Variants in DAB1 observed in about 807,000 individuals in gnomAD.
DAB1 encodes the protein disabled homolog 1.
In DAB1, 15 loss-of-function variants were observed where a neutral mutation model predicts 64.6. That is an observed-to-expected ratio of 0.23 (90% confidence interval 0.16 to 0.36). DAB1 has a LOEUF of 0.36. Ranked by LOEUF, DAB1 falls within the 10% of genes least tolerant of loss-of-function variation. The pLI, the probability that DAB1 is intolerant of heterozygous loss-of-function variation, is 1.00. For synonymous variants in DAB1, 235 were observed against 251.9 expected (o/e 0.93, Z 0.64); for missense variants, 596 against 706.7 (o/e 0.84, Z 1.78).
At chr1:57,976,231 G>A (rs755318019) in intron 5 of DAB1, among the ~76,000 whole-genome samples, 1 of 152,060 alleles carries the variant, frequency 6.6e-6, no homozygotes. Flanking sequence ...TCTCCCTTCC[G>A]GCTCTCAGGC....
intron 7 of DAB1, among the ~76,000 whole-genome samples, chr1:57,430,145 T>C (rs1685445161): frequency 6.6e-6 from 1 of 151,936 alleles, no homozygotes; most frequent in Admixed American, 6.6e-5. Flanking sequence ...TTCATTTGTA[T>C]CTTCTTTAAT....
chr1:58,208,023 G>C lies in DAB1; in HGVS notation n.310-57435C>G, dbSNP rs1177591287. ...TCCTCCTTCACATGGTGGCAGCAAG[G>C]AGGAGTGTAGAGTGAAAATGAGGGG... On this transcript the variant is annotated intron_variant and non_coding_transcript_variant, in intron 4 of 20. Transcript: ENST00000485760. Among the ~76,000 whole-genome samples the C allele has an allele frequency of 2.0e-5, 3 of 152,170 alleles. No individual in the cohort carries two copies. The East Asian group carries it at 5.8e-4, about 29-fold the overall frequency.
At chr1:57,232,491 T>C (rs1667758682) in intron 2 of DAB1, among the ~76,000 whole-genome samples, 1 of 152,138 alleles carries the variant, frequency 6.6e-6, no homozygotes, top group Non-Finnish European at 1.5e-5. Context: ...GCAAGAGAGA[T>C]GGTTCCTCCT....
intron 5 of DAB1, among the ~76,000 whole-genome samples, chr1:57,947,545 T>A (rs922215732): frequency 1.3e-5 from 2 of 152,072 alleles, no homozygotes; most frequent in African/African-American, 4.8e-5. Context: ...CCAAAAGTAT[T>A]CTAGACCTTG....
In DAB1 at chr1:57,450,507, G is replaced by A. The variant is rs186216990; in HGVS notation, n.626-159341C>T. 3.3e-4 allele frequency among the ~76,000 whole-genome samples: 51 copies of A among 152,272 alleles called. No homozygotes were observed. In the East Asian group the frequency reaches 7.9e-3, roughly 24 times the overall value. ...TCAACTAGCCTCTTAAAGAGAGATT[G>A]AAATTATGTGTTTATTAAAAGGAGG... On this transcript the variant is annotated intron_variant and non_coding_transcript_variant, in intron 7 of 20. Transcript: ENST00000485760.
intron 2 of DAB1, among the ~76,000 whole-genome samples, chr1:57,256,054 GTT>G (rs1669734777): frequency 6.6e-6 from 1 of 152,150 alleles, no homozygotes; most frequent in Non-Finnish European, 1.5e-5. Context: ...CCTGTGCGTT[GTT>G]ATCAGCACGT....
At chr1:58,000,641 G>A (rs1646493526) in intron 5 of DAB1, among the ~76,000 whole-genome samples, 1 of 144,842 alleles carries the variant, frequency 6.9e-6, no homozygotes, top group African/African-American at 2.6e-5. Flanking sequence ...GGCATTCTTG[G>A]CTCACTGCAA....
At position 57,129,414 on chromosome 1, in the gene DAB1, T is replaced by C. The variant is rs551529936; in HGVS notation, c.306+7129A>G. Among the ~76,000 whole-genome samples, 11 of 152,234 alleles carry C rather than the reference T, an allele frequency of 7.2e-5. No homozygotes were observed. In the South Asian group the frequency reaches 2.3e-3, roughly 32 times the overall value. ...CCAATTTTTCCCCTTAAAGGTTCTA[T>C]CTATTTGACATTAAAATAGATCTGG... On this transcript the variant is annotated intron_variant, in intron 4 of 14. Coordinates refer to ENST00000371236, the MANE Select transcript of DAB1 (RefSeq NM_001365792.1).
intron 5 of DAB1, among the ~76,000 whole-genome samples, chr1:58,132,199 C>T (rs1400405789): frequency 1.3e-5 from 2 of 152,090 alleles, no homozygotes; most frequent in Non-Finnish European, 1.5e-5. Flanking sequence ...GCGCAGTATT[C>T]GGGTGGGAGT....
chr1:58,373,516 G>A (rs1169053612), intron 3 of DAB1, among the ~76,000 whole-genome samples: 1 of 151,164 alleles, frequency 6.6e-6, no homozygotes, highest in African/African-American at 2.4e-5. Context: ...CATTTCTTAC[G>A]GCTGCATAGT....
intron 5 of DAB1, among the ~76,000 whole-genome samples, chr1:58,008,019 T>G (rs149907079): frequency 8.9e-4 from 136 of 152,278 alleles, no homozygotes; most frequent in African/African-American, 3.1e-3. Flanking sequence ...ATACAAATAT[T>G]CTACTCTTCA....
In DAB1 at chr1:57,176,971, A is replaced by AC. The variant is rs1342040668; in HGVS notation, c.68-31543_68-31542insG. The stretch of plus-strand genomic sequence containing the variant: ...ATAAAAAAAAGAAGCAGCAGCAGAT[A>AC]TAAAAAAAAAAAAAAAAAAAAGCCC... On this transcript the variant is annotated intron_variant, in intron 2 of 14. Transcript: ENST00000371236. Among the ~76,000 whole-genome samples, 702 of 85,752 alleles carry AC rather than the reference A, an allele frequency of 8.2e-3. 24 individuals are homozygous for AC. Among genetic ancestry groups the AC allele is most frequent in the African/African-American group, 0.032 (323 of 10,116 alleles). 56.3% of individuals were successfully genotyped at this position (85,752 alleles called of 152,430 possible). A position where few individuals can be genotyped will look rare whatever the true frequency, so the allele number is the denominator to read the frequency against.
chr1:57,562,984 C>A (rs1248777302), intron 7 of DAB1, among the ~76,000 whole-genome samples: 1 of 152,110 alleles, frequency 6.6e-6, no homozygotes. Context: ...GCCATTAGGG[C>A]GTCTCTTAGT....
chr1:57,413,481 C>T (rs1004012644), intron 1 of DAB1, among the ~76,000 whole-genome samples: 1 of 152,072 alleles, frequency 6.6e-6, no homozygotes, highest in Non-Finnish European at 1.5e-5. Flanking sequence ...GTGGCTCATG[C>T]CTGTAATCCC....
At chr1:58,364,805 G>A (rs1644200563) in intron 3 of DAB1, among the ~76,000 whole-genome samples, 2 of 152,234 alleles carry the variant, frequency 1.3e-5, no homozygotes, top group Non-Finnish European at 2.9e-5. Flanking sequence ...AGGCCATAGT[G>A]TTTACAATTT....
intron 9 of DAB1, among the ~76,000 whole-genome samples, chr1:57,049,483 T>TAGAGAC (rs1338574911): frequency 5.2e-5 from 5 of 95,542 alleles, no homozygotes; most frequent in Non-Finnish European, 1.2e-4. Flanking sequence ...AAAAAGAAGT[T>TAGAGAC]AGAGACGGAA....
chr1:57,794,320 T>C (rs951572851), intron 6 of DAB1, among the ~76,000 whole-genome samples: 1 of 152,202 alleles, frequency 6.6e-6, no homozygotes, highest in Non-Finnish European at 1.5e-5. Flanking sequence ...AGCACGAGGC[T>C]CAAGGCTTAT....
chr1:58,483,716 A>G (rs1416488972), intron 3 of DAB1, among the ~76,000 whole-genome samples: 1 of 152,232 alleles, frequency 6.6e-6, no homozygotes, highest in East Asian at 1.9e-4. Context: ...CTACTGTCCA[A>G]ACTGGGATAC....
At chr1:58,147,179 T>C (rs1654643472) in intron 5 of DAB1, among the ~76,000 whole-genome samples, 1 of 151,790 alleles carries the variant, frequency 6.6e-6, no homozygotes, top group South Asian at 2.1e-4. Context: ...TGGTAGCAGG[T>C]GCCTGTAATC....
Sources: allele counts gnomAD v4.1 joint callset (sites outside exome capture counted in the v4.1 genomes callset), GRCh38; gene constraint gnomAD v4.1.1; transcripts MANE v1.5; gene names NCBI Gene and HGNC (gene_info 2026-07-23, HGNC 2026-07-21).